TTC12: variants seen among roughly 807,000 people sequenced by gnomAD.
TTC12 encodes the protein tetratricopeptide repeat domain 12.
TTC12 carries 70 observed loss-of-function variants against 90.1 expected under a neutral mutation model. That is an observed-to-expected ratio of 0.78 (90% CI 0.64 to 0.95). TTC12 has a LOEUF of 0.95. Ranked by LOEUF, TTC12 falls within the 40% of genes least tolerant of loss-of-function variation. TTC12 has a pLI of 0.00. For missense variants in TTC12, 819 were observed against 846.1 expected (o/e 0.97, Z 0.40); for synonymous variants, 296 against 311.5 (o/e 0.95, Z 0.53).
chr11:113,327,773 C>G (rs1368178514), intron 6 of TTC12, among the ~76,000 whole-genome samples: 2 of 152,166 alleles, frequency 1.3e-5, no homozygotes, highest in African/African-American at 4.8e-5. Context: ...CCAGCTTCCT[C>G]TTCACATCCT....
At chr11:113,370,943 G>A (rs1364353922), downstream of TTC12, among the ~76,000 whole-genome samples, 2 of 151,904 alleles carry the variant, frequency 1.3e-5, no homozygotes, top group African/African-American at 2.4e-5. Context: ...AACTCCCCTC[G>A]GGCAACAAGC....
intron 2 of TTC12, among the ~76,000 whole-genome samples, chr11:113,316,728 T>C (rs1190719984): frequency 6.6e-6 from 1 of 152,238 alleles, no homozygotes; most frequent in Non-Finnish European, 1.5e-5. Context: ...CAAAATCAAA[T>C]GGCTTTCCTT....
At chr11:113,346,558 AC>A (rs1555148196) in intron 13 of TTC12, among the ~76,000 whole-genome samples, 1 of 152,036 alleles carries the variant, frequency 6.6e-6, no homozygotes, top group African/African-American at 2.4e-5. Context: ...CTTCTTTAAG[AC>A]AGGTCAATAC....
chr11:113,323,597 A>AT lies in TTC12; in HGVS notation c.222+156dup, dbSNP rs142060645. ...TTTTTATAAGAAAGTATAAAATTTG[A>AT]TTTTTTTTTTCCTTTGATCTTTCTG... On this transcript the variant is annotated intron_variant, in intron 3 of 21. Coordinates refer to ENST00000529221, the MANE Select transcript of TTC12 (RefSeq NM_017868.4). 3.2e-3 allele frequency: 1,658 copies of AT among 510,946 alleles called. 2 individuals are homozygous for AT. Among genetic ancestry groups the AT allele is most frequent in the South Asian group, 4.2e-3 (71 of 16,988 alleles). 31.7% of individuals were successfully genotyped at this position (510,946 alleles called of 1,614,324 possible). A position where few individuals can be genotyped will look rare whatever the true frequency, so the allele number is the denominator to read the frequency against.
Position 113,344,267 on chromosome 11 carries a change from T to C in TTC12, c.986-5T>C, listed in dbSNP as rs1555147159. ...CACAAGACACACAACCTCTGTGTTTTGCAGAGGAAAACCAGCGTGTGCTAG... is the reference window on the plus strand; with the variant it reads ...CACAAGACACACAACCTCTGTGTTTCGCAGAGGAAAACCAGCGTGTGCTAG... On this transcript the variant is annotated splice_region_variant and splice_polypyrimidine_tract_variant and intron_variant, in intron 12 of 21. Coordinates refer to ENST00000529221, the MANE Select transcript of TTC12 (RefSeq NM_017868.4). 10 of 1,608,694 alleles carry C rather than the reference T, an allele frequency of 6.2e-6. No homozygotes were observed. The highest frequency in any genetic ancestry group is 1.7e-4 in the Middle Eastern group (1 of 6,042).
intron 1 of TTC12, 166 bp from the exon 2 acceptor site, chr11:113,316,077 A>C (rs1158618128): frequency 2.5e-6 from 1 of 400,092 alleles, no homozygotes; most frequent in Non-Finnish European, 4.5e-6. Context: ...TCTTGGCCTA[A>C]AACAGCAGTT....
At chr11:113,318,474 G>A (rs1403649910) in intron 2 of TTC12, among the ~76,000 whole-genome samples, 10 of 152,282 alleles carry the variant, frequency 6.6e-5, no homozygotes, top group East Asian at 5.8e-4. Flanking sequence ...CTCTCTGTAC[G>A]TGCATATATT....
chr11:113,339,189 C>T (rs572042768), intron 9 of TTC12, 97 bp from the exon 10 acceptor site: 2 of 1,001,074 alleles, frequency 2.0e-6, no homozygotes, highest in South Asian at 3.5e-5. Context: ...GCTTCTCAAA[C>T]TCCCATCCTC....
chr11:113,339,169 A>T, intron 9 of TTC12, 117 bp from the exon 10 acceptor site: 2 of 817,052 alleles, frequency 2.4e-6, no homozygotes, highest in Non-Finnish European at 3.7e-6. Flanking sequence ...TAATTATTTT[A>T]ATGCTTTATG....
intron 5 of TTC12, among the ~76,000 whole-genome samples, 180 bp from the exon 6 acceptor site, chr11:113,325,343 GA>G (rs529159793): frequency 1.3e-5 from 2 of 151,540 alleles, no homozygotes; most frequent in Admixed American, 6.6e-5. Flanking sequence ...GGATTTGGAG[GA>G]AAAAAAATAC....
intron 7 of TTC12, among the ~76,000 whole-genome samples, chr11:113,331,982 A>G (rs1555142708): frequency 6.6e-6 from 1 of 152,266 alleles, no homozygotes; most frequent in African/African-American, 2.4e-5. Context: ...AAATTAATGT[A>G]TCAATAGTGA....
intron 14 of TTC12, 91 bp from the exon 15 acceptor site, chr11:113,351,148 A>C: frequency 8.2e-7 from 1 of 1,215,716 alleles, no homozygotes. Flanking sequence ...ATATGGACCT[A>C]GAGTTTGCAA....
rs558793156 is a variant in TTC12 at position 113,343,871 on chromosome 11, C to T, written c.986-401C>T. Reference sequence around the variant, plus strand: ...TGTATGAATATTGATGGCCTAAAGACGTTCCACAATTAAACTGATTTATTT... The same window carrying T: ...TGTATGAATATTGATGGCCTAAAGATGTTCCACAATTAAACTGATTTATTT... On this transcript the variant is annotated intron_variant, in intron 12 of 21. Coordinates refer to ENST00000529221, the MANE Select transcript of TTC12 (RefSeq NM_017868.4). Among the ~76,000 whole-genome samples the T allele has an allele frequency of 7.2e-4, 109 of 152,314 alleles. 1 individual carries two copies. The South Asian group carries it at 0.022, about 30-fold the overall frequency.
downstream of TTC12, chr11:113,368,407 C>T (rs184198959): frequency 2.8e-4 from 436 of 1,549,400 alleles, 3 homozygotes; most frequent in East Asian, 8.9e-3. Context: ...TTCAGAAGGC[C>T]TCATCTCCAC....
chr11:113,335,184 T>C (rs1948295129), intron 8 of TTC12, 147 bp downstream of exon 8: 2 of 649,602 alleles, frequency 3.1e-6, no homozygotes, highest in African/African-American at 3.7e-5. Context: ...ATCTTAAAGT[T>C]GGGAAGAATT....
At chr11:113,369,452 G>A (rs1320548158), downstream of TTC12, among the ~76,000 whole-genome samples, 1 of 124,364 alleles carries the variant, frequency 8.0e-6, no homozygotes, top group African/African-American at 3.2e-5. Context: ...CCTTTGCTCT[G>A]CACTAGGCAC....
At chr11:113,359,902 A>G in intron 17 of TTC12, 38 bp from the exon 18 acceptor site, 1 of 1,525,028 alleles carries the variant, frequency 6.6e-7, no homozygotes, top group Non-Finnish European at 8.9e-7. Context: ...ATTGTCAGAA[A>G]ATTAAAATCT....
chr11:113,345,082 T>G (rs1344651525), intron 13 of TTC12, among the ~76,000 whole-genome samples: 2 of 152,232 alleles, frequency 1.3e-5, no homozygotes, highest in Admixed American at 1.3e-4. Context: ...TACTTTTATC[T>G]TACTAAGTTT....
At chr11:113,355,214 C>T (rs1396647699) in intron 16 of TTC12, among the ~76,000 whole-genome samples, 5 of 152,040 alleles carry the variant, frequency 3.3e-5, no homozygotes, top group African/African-American at 1.2e-4. Context: ...GAAATTTATT[C>T]ATTTCTTCTA....
Sources: allele counts gnomAD v4.1 joint callset (sites outside exome capture counted in the v4.1 genomes callset), GRCh38; gene constraint gnomAD v4.1.1; transcripts MANE v1.5; gene names NCBI Gene and HGNC (gene_info 2026-07-23, HGNC 2026-07-21).